The following NFAT5 variants were observed in gnomAD, a reference collection of about 807,000 sequenced individuals.
The protein encoded by NFAT5 is nuclear factor of activated T-cells 5.
In NFAT5, 31 loss-of-function variants were observed where a neutral mutation model predicts 166.5. The ratio of observed to expected loss-of-function variants is 0.19; its 90% confidence interval spans 0.14 to 0.25. NFAT5 has a LOEUF of 0.25. Ranked by LOEUF, NFAT5 falls within the 10% of genes least tolerant of loss-of-function variation. NFAT5 has a pLI of 1.00. For missense variants in NFAT5, 1,449 were observed against 1,821.8 expected (o/e 0.80, Z 3.72); for synonymous variants, 612 against 639.7 (o/e 0.96, Z 0.65).
chr16:69,588,803 T>C (rs1218363207), intron 2 of NFAT5, among the ~76,000 whole-genome samples: 1 of 152,104 alleles, frequency 6.6e-6, no homozygotes, highest in Non-Finnish European at 1.5e-5. Flanking sequence ...ACCTATAATA[T>C]TGCCTAGAAG....
intron 2 of NFAT5, 78 bp from the exon 3 acceptor site, chr16:69,626,325 T>TA (rs2034458123): frequency 7.7e-7 from 1 of 1,295,652 alleles, no homozygotes; most frequent in African/African-American, 1.5e-5. Flanking sequence ...AGAAAAGACA[T>TA]ACTCATTTTG....
chr16:69,691,849 C>T lies in NFAT5; in HGVS notation c.2024C>T (p.Ser675Phe), dbSNP rs1409703453. Residue 675 changes from serine to phenylalanine, a missense_variant, in exon 13 of 15, where the codon TCT becomes TTT. Ser to Phe is a radical substitution (Grantham distance 155). Coordinates refer to ENST00000349945, the MANE Select transcript of NFAT5 (RefSeq NM_138713.4). ...TCACCATCATCTTCCCACCTACCTT[C>T]TGAAAATGAAAAACAGCAGCAGATT... The part of the protein sequence containing the change: ...FSSPSSSHLP[S>F]ENEKQQQIQP... 1.2e-6 allele frequency: 2 copies of T among 1,614,150 alleles called. No individual in the cohort carries two copies. The highest frequency in any genetic ancestry group is 1.3e-5 in the African/African-American group (1 of 75,032).
chr16:69,651,494 C>T (rs1295848580), intron 4 of NFAT5, among the ~76,000 whole-genome samples: 1 of 152,060 alleles, frequency 6.6e-6, no homozygotes, highest in African/African-American at 2.4e-5. Context: ...CAGGTTTAAG[C>T]CTGCTTAGCT....
chr16:69,621,894 T>C (rs1406578635), intron 2 of NFAT5, among the ~76,000 whole-genome samples: 1 of 152,082 alleles, frequency 6.6e-6, no homozygotes, highest in Non-Finnish European at 1.5e-5. Context: ...GCTCAGGAGT[T>C]GGAGGCTGCA....
Position 69,647,059 on chromosome 16 carries a change from G to T in NFAT5, c.285G>T (p.Met95Ile). The T allele has an allele frequency of 1.3e-6, 2 of 1,597,828 alleles. No individual in the cohort carries two copies. The highest frequency in any genetic ancestry group is 2.2e-5 in the South Asian group (2 of 89,010). Reference protein sequence around the residue: ...DASSAPSSSSMGGACSSFTTS... With the variant: ...DASSAPSSSSIGGACSSFTTS... ...CTTCAGCTCCCTCCTCTTCCTCCAT[G>T]GGCGGTGCTTGCAGCTCCTTTACCA... Residue 95 changes from methionine (M) to isoleucine (I), a missense_variant, in exon 4 of 15, where the codon ATG (methionine) becomes ATT (isoleucine). Physicochemically the swap from Met to Ile is conservative, Grantham distance 10. Around this residue, in one of 7 missense-constraint regions of NFAT5, gnomAD observed 172 missense variants for 194.5 expected, o/e 0.88. Coordinates refer to ENST00000349945, the MANE Select transcript of NFAT5 (RefSeq NM_138713.4). The surrounding 1 kb of genome is among the most constrained non-coding windows in gnomAD (Gnocchi z 4.8).
chr16:69,636,590 C>T lies in NFAT5; in HGVS notation c.253+10062C>T, dbSNP rs140009362. Among the ~76,000 whole-genome samples, 340 of 152,310 alleles carry T rather than the reference C, an allele frequency of 2.2e-3. 2 individuals carry two copies. The highest frequency in any genetic ancestry group is 5.8e-3 in the South Asian group (28 of 4,832). On this transcript the variant is annotated intron_variant, in intron 3 of 14. Transcript: ENST00000349945. ...CAAATCTCAATTCTTGACTTCTGTG[C>T]ACCCACAGGCTCAACACTACATGGA...
rs1597569829 is a variant in NFAT5 at position 69,692,015 on chromosome 16, G to A, written c.2190G>A (p.Gln730=). 1 of 1,614,140 alleles carries A rather than the reference G, an allele frequency of 6.2e-7. No individual in the cohort carries two copies. The highest frequency in any genetic ancestry group is 1.7e-5 in the Admixed American group (1 of 60,010). The change falls in exon 13 of 15, where the codon CAG becomes CAA. Residue 730 remains glutamine (Q), a synonymous_variant. Coordinates refer to ENST00000349945, the MANE Select transcript of NFAT5 (RefSeq NM_138713.4). ...DALLQQATQF[Q]TRETQSREIL... Reference sequence around the variant, plus strand: ...TATTGCAGCAGGCTACACAGTTTCAGACAAGAGAAACTCAGTCTAGAGAGA... The same window carrying A: ...TATTGCAGCAGGCTACACAGTTTCAAACAAGAGAAACTCAGTCTAGAGAGA...
intron 9 of NFAT5, among the ~76,000 whole-genome samples, chr16:69,671,210 C>T (rs2151673551): frequency 6.6e-6 from 1 of 152,322 alleles, no homozygotes; most frequent in Non-Finnish European, 1.5e-5. Flanking sequence ...ACACCAGACA[C>T]AAGTTCAAAG....
chr16:69,610,939 C>T (rs2033678586), intron 2 of NFAT5, among the ~76,000 whole-genome samples: 1 of 152,050 alleles, frequency 6.6e-6, no homozygotes, highest in East Asian at 1.9e-4. Context: ...CCTCACTGGA[C>T]TGAAAGCTTT....
At chr16:69,667,500 A>G (rs2036445436) in intron 7 of NFAT5, among the ~76,000 whole-genome samples, 1 of 151,330 alleles carries the variant, frequency 6.6e-6, no homozygotes, top group East Asian at 1.9e-4. Flanking sequence ...AAACTAAAAA[A>G]AAAAAAAAAA....
In NFAT5 at chr16:69,693,592, T is replaced by C; in HGVS notation, c.3767T>C (p.Ile1256Thr). 6.2e-7 allele frequency: 1 copy of C among 1,614,088 alleles called. No homozygotes were observed. The highest frequency in any genetic ancestry group is 1.7e-5 in the Admixed American group (1 of 60,022). The change falls in exon 13 of 15, where the codon ATA becomes ACA. Residue 1256 changes from isoleucine to threonine, a missense_variant. By Grantham distance (89) the Ile-to-Thr change is moderately conservative. Around this residue, in one of 7 missense-constraint regions of NFAT5, gnomAD observed 891 missense variants for 993.0 expected, o/e 0.90. Coordinates refer to ENST00000349945, the MANE Select transcript of NFAT5 (RefSeq NM_138713.4). ...QGTMFQSQHS[I>T]VAMQSNSPSQ... ...ACCATGTTCCAGTCACAGCACTCAATAGTTGCCATGCAGAGTAACTCTCCA... is the reference window on the plus strand; with the variant it reads ...ACCATGTTCCAGTCACAGCACTCAACAGTTGCCATGCAGAGTAACTCTCCA...
intron 2 of NFAT5, among the ~76,000 whole-genome samples, chr16:69,591,380 A>G (rs2032451695): frequency 6.6e-6 from 1 of 152,166 alleles, no homozygotes; most frequent in Non-Finnish European, 1.5e-5. Flanking sequence ...ACCATGGAAA[A>G]ATTATTTACT....
chr16:69,692,066 T>G lies in NFAT5; in HGVS notation c.2241T>G (p.Val747=). 1 of 1,614,180 alleles carries G rather than the reference T, an allele frequency of 6.2e-7. No homozygotes were observed. Among genetic ancestry groups the G allele is most frequent in the Admixed American group, 1.7e-5 (1 of 60,022 alleles). Residue 747 remains valine, a synonymous_variant, in exon 13 of 15, where the codon GTT becomes GTG. Coordinates refer to ENST00000349945, the MANE Select transcript of NFAT5 (RefSeq NM_138713.4). The stretch of plus-strand genomic sequence containing the variant: ...TATTACAGTCAGATGGTACAGTGGT[T>G]AATTTGTCACAACTGACTGAGGCAT... The part of the protein sequence containing the change: ...REILQSDGTV[V]NLSQLTEASQ...
intron 2 of NFAT5, among the ~76,000 whole-genome samples, chr16:69,625,954 TAAAA>T (rs200485842): frequency 6.8e-6 from 1 of 147,954 alleles, no homozygotes; most frequent in African/African-American, 2.5e-5. Context: ...AAATAAAAAA[TAAAA>T]AAATTTTTTT....
chr16:69,630,022 C>T (rs969725552), intron 3 of NFAT5, among the ~76,000 whole-genome samples: 1 of 151,710 alleles, frequency 6.6e-6, no homozygotes, highest in African/African-American at 2.4e-5. Context: ...CTGCAACCTC[C>T]ACCTCCCAGG....
Position 69,692,355 on chromosome 16 carries a change from C to T in NFAT5, c.2530C>T (p.Leu844Phe), listed in dbSNP as rs781315982. Reference protein sequence around the residue: ...PDGNENVQEQLSADIFQQVSQ... With the variant: ...PDGNENVQEQFSADIFQQVSQ... ...TGGTAATGAGAATGTTCAAGAGCAG[C>T]TTAGTGCAGATATTTTTCAACAAGT... The change falls in exon 13 of 15, where the codon CTT (leucine) becomes TTT (phenylalanine). Residue 844 changes from leucine (L) to phenylalanine (F), a missense_variant. By Grantham distance (22) the Leu-to-Phe change is conservative. Around this residue, in one of 7 missense-constraint regions of NFAT5, gnomAD observed 891 missense variants for 993.0 expected, o/e 0.90. Coordinates refer to ENST00000349945, the MANE Select transcript of NFAT5 (RefSeq NM_138713.4). 6.2e-7 allele frequency: 1 copy of T among 1,614,166 alleles called. No homozygotes were observed. Among genetic ancestry groups the T allele is most frequent in the South Asian group, 1.1e-5 (1 of 91,076 alleles).
chr16:69,701,667 A>G lies in NFAT5; in HGVS notation c.*5316A>G, dbSNP rs1267503628. 1 of 152,248 alleles carries G rather than the reference A, an allele frequency of 6.6e-6. No homozygotes were observed. The highest frequency in any genetic ancestry group is 2.4e-5 in the African/African-American group (1 of 41,460). 9.4% of individuals were successfully genotyped at this position (152,248 alleles called of 1,614,324 possible). ...TCTGAATACTCATGAGAATTTTAGC[A>G]TCTGTGAAACTCCATGCACCAGATG... is the stretch of plus-strand genomic sequence containing the variant. On this transcript the variant is annotated 3_prime_UTR_variant, in exon 15 of 15. Coordinates refer to ENST00000349945, the MANE Select transcript of NFAT5 (RefSeq NM_138713.4).
At chr16:69,640,286 G>C (rs1400797723) in intron 3 of NFAT5, among the ~76,000 whole-genome samples, 1 of 152,096 alleles carries the variant, frequency 6.6e-6, no homozygotes, top group East Asian at 1.9e-4. Flanking sequence ...TTCTTCATAA[G>C]TCCTTCTTTC....
At chr16:69,674,332 G>T (rs1329064796) in intron 9 of NFAT5, among the ~76,000 whole-genome samples, 5 of 151,426 alleles carry the variant, frequency 3.3e-5, no homozygotes, top group Non-Finnish European at 5.9e-5. Flanking sequence ...ATTGTTTTCT[G>T]GTCTTCTGGT....
Sources: allele counts gnomAD v4.1 joint callset (sites outside exome capture counted in the v4.1 genomes callset), GRCh38; gene constraint gnomAD v4.1.1; regional missense constraint gnomAD v4.1.1; non-coding constraint Gnocchi (gnomAD v3.1); transcripts MANE v1.5; gene names NCBI Gene and HGNC (gene_info 2026-07-23, HGNC 2026-07-21).